The following GPD2 variants were observed in gnomAD, a reference collection of about 807,000 sequenced individuals.
GPD2 encodes the protein glycerol-3-phosphate dehydrogenase, mitochondrial.
In GPD2, 54 loss-of-function variants were observed where a neutral mutation model predicts 82.4. That is an observed-to-expected ratio of 0.66 (90% CI 0.53 to 0.82). The LOEUF is 0.82. GPD2 is among the 40% of genes least tolerant of loss of function. GPD2 has a pLI of 0.00. For synonymous variants in GPD2, 288 were observed against 306.1 expected (o/e 0.94, Z 0.62); for missense variants, 748 against 896.2 (o/e 0.83, Z 2.11).
chr2:156,485,467 C>T (rs1026434794), intron 2 of GPD2, among the ~76,000 whole-genome samples: 1 of 152,164 alleles, frequency 6.6e-6, no homozygotes, highest in African/African-American at 2.4e-5. Flanking sequence ...AATGATCATG[C>T]CTCATCCATT....
At chr2:156,463,699 ATTTTCT>A (rs572611443) in intron 1 of GPD2, among the ~76,000 whole-genome samples, 104 of 152,164 alleles carry the variant, frequency 6.8e-4, no homozygotes, top group African/African-American at 2.3e-3. Context: ...CCCCCTGATG[ATTTTCT>A]TTTTTAATTT....
At chr2:156,520,478 A>G (rs768654384) in intron 6 of GPD2, among the ~76,000 whole-genome samples, 3 of 152,086 alleles carry the variant, frequency 2.0e-5, no homozygotes, top group Admixed American at 6.5e-5. Flanking sequence ...TGGTCTTTCT[A>G]ATAATCTTAT....
chr2:156,451,112 C>G, intron 1 of GPD2, among the ~76,000 whole-genome samples: 1 of 149,868 alleles, frequency 6.7e-6, no homozygotes, highest in Middle Eastern at 3.4e-3. Flanking sequence ...TTTTCCCCAC[C>G]TTTCCCCCCG....
Position 156,584,080 on chromosome 2 carries a change from C to CA in GPD2, c.*1167dup, listed in dbSNP as rs998310733. The CA allele has an allele frequency of 6.6e-6, 1 of 151,816 alleles. No individual in the cohort carries two copies. Among genetic ancestry groups the CA allele is most frequent in the African/African-American group, 2.4e-5 (1 of 41,340 alleles). 9.4% of individuals were successfully genotyped at this position (151,816 alleles called of 1,614,324 possible). A position where few individuals can be genotyped will look rare whatever the true frequency, so the allele number is the denominator to read the frequency against. ...CTCCATGGAAATATTCTCAGTAAAC[C>CA]AAAAACAAAAATGGAAAAATAATCA... On this transcript the variant is annotated 3_prime_UTR_variant, in exon 17 of 17. Coordinates refer to ENST00000438166, the MANE Select transcript of GPD2 (RefSeq NM_000408.5).
chr2:156,552,894 CTTTTTTTTT>C (rs771404828), intron 8 of GPD2, among the ~76,000 whole-genome samples: 1 of 107,354 alleles, frequency 9.3e-6, no homozygotes, highest in African/African-American at 3.7e-5. Flanking sequence ...TTCCTTATAT[CTTTTTTTTT>C]TTTTTTTTTT....
intron 1 of GPD2, among the ~76,000 whole-genome samples, chr2:156,462,908 A>C (rs1683039241): frequency 6.6e-6 from 1 of 152,232 alleles, no homozygotes; most frequent in Non-Finnish European, 1.5e-5. Flanking sequence ...CCAACATGGC[A>C]CATGTATACT....
chr2:156,519,743 G>A (rs1007726678), intron 6 of GPD2, among the ~76,000 whole-genome samples: 2 of 152,200 alleles, frequency 1.3e-5, no homozygotes, highest in Admixed American at 1.3e-4. Flanking sequence ...TCGATTACCT[G>A]GCCGGGTGCT....
intron 8 of GPD2, among the ~76,000 whole-genome samples, chr2:156,553,050 A>G (rs1296832728): frequency 6.6e-6 from 1 of 151,526 alleles, no homozygotes; most frequent in African/African-American, 2.4e-5. Flanking sequence ...CACCACACCC[A>G]GCTAATTTTC....
chr2:156,582,954 A>C lies in GPD2; in HGVS notation c.*36A>C. On this transcript the variant is annotated 3_prime_UTR_variant, in exon 17 of 17. Transcript: ENST00000438166. ...TAAATCCACAGCCAACAAACATAGA[A>C]ACGACAAATCACCATGTAACAACCA... 6.2e-7 allele frequency: 1 copy of C among 1,609,142 alleles called. No homozygotes were observed. Among genetic ancestry groups the C allele is most frequent in the South Asian group, 1.1e-5 (1 of 90,980 alleles).
chr2:156,429,825 G>T, the GPD2 span, among the ~76,000 whole-genome samples: 1 of 152,150 alleles, frequency 6.6e-6, no homozygotes, highest in Admixed American at 6.6e-5. Context: ...AGTAGGTGGA[G>T]ATCTACCAAA....
At position 156,582,817 on chromosome 2, in the gene GPD2, A is replaced by AG. The variant is rs1327010544; in HGVS notation, c.2086dup (p.Val696GlyfsTer28). The AG allele has an allele frequency of 6.2e-7, 1 of 1,613,140 alleles. No homozygotes were observed. Reference sequence around the variant, plus strand: ...GCTGATGAGTGCTATTCAAAAAGGAAGGGTATCTGGAAGCCGGCTTGCTAT... The same window carrying AG: ...GCTGATGAGTGCTATTCAAAAAGGAAGGGGTATCTGGAAGCCGGCTTGCTAT... On this transcript the variant is annotated frameshift_variant, in exon 17 of 17. Transcript: ENST00000438166. LOFTEE classifies it high-confidence loss of function.
At chr2:156,472,231 T>G (rs924032045) in intron 1 of GPD2, among the ~76,000 whole-genome samples, 3 of 152,214 alleles carry the variant, frequency 2.0e-5, no homozygotes, top group African/African-American at 7.2e-5. Flanking sequence ...ACGTTTCTCC[T>G]TACAATGGTA....
chr2:156,540,837 CA>C (rs1249927304), intron 6 of GPD2, among the ~76,000 whole-genome samples: 1 of 152,056 alleles, frequency 6.6e-6, no homozygotes, highest in East Asian at 1.9e-4. Flanking sequence ...AAAAGAAGAA[CA>C]AACAGTATTC....
At chr2:156,419,126 C>G in the GPD2 span, among the ~76,000 whole-genome samples, 1 of 118,306 alleles carries the variant, frequency 8.5e-6, no homozygotes, top group African/African-American at 3.2e-5. Flanking sequence ...ATGGTGCAAT[C>G]TTGGCTTATC....
the GPD2 span, among the ~76,000 whole-genome samples, chr2:156,401,126 A>G: frequency 7.2e-5 from 11 of 152,306 alleles, no homozygotes; most frequent in East Asian, 2.1e-3. Flanking sequence ...TACCCACAGA[A>G]AAAAACTAGA....
intron 6 of GPD2, among the ~76,000 whole-genome samples, chr2:156,524,608 G>A (rs1685537764): frequency 1.3e-5 from 2 of 152,146 alleles, no homozygotes; most frequent in African/African-American, 2.4e-5. Context: ...CCCACCAGGA[G>A]ACCAAAGCAG....
Position 156,550,700 on chromosome 2 carries a change from T to TGCCA in GPD2, c.930_933dup (p.Ser312AlafsTer22). On this transcript the variant is annotated frameshift_variant, in exon 8 of 17. Transcript: ENST00000438166. LOFTEE classifies it high-confidence loss of function. ...GGATGATAAAGACGCAGCAGCTATC[T>TGCCA]GCCAGCCAAGTGCTGGTGTCCATAT... 6.2e-7 allele frequency: 1 copy of TGCCA among 1,613,866 alleles called. No homozygotes were observed.
the GPD2 span, among the ~76,000 whole-genome samples, chr2:156,425,720 C>A: frequency 6.6e-5 from 10 of 152,096 alleles, no homozygotes; most frequent in Non-Finnish European, 8.8e-5. Flanking sequence ...ATGTGGCATG[C>A]TTTCTCCAAT....
chr2:156,415,200 C>T, the GPD2 span, among the ~76,000 whole-genome samples: 8 of 140,594 alleles, frequency 5.7e-5, no homozygotes, highest in Non-Finnish European at 1.1e-4. Flanking sequence ...GCTCAGTGGA[C>T]CAGGCTGGAG....
Sources: gnomAD v4.1 joint callset for allele counts (sites outside exome capture counted in the v4.1 genomes callset) on GRCh38, gnomAD v4.1.1 for gene constraint, MANE v1.5 for transcripts, NCBI Gene and HGNC (gene_info 2026-07-23, HGNC 2026-07-21) for gene names.